XKR4: variants seen among roughly 807,000 people sequenced by gnomAD.
The protein encoded by XKR4 is XK-related protein 4.
A neutral mutation model predicts 53.9 loss-of-function variants in XKR4; 12 were observed. The ratio of observed to expected loss-of-function variants is 0.22; its 90% CI spans 0.14 to 0.36. The LOEUF (loss-of-function observed/expected upper bound fraction) is 0.36, where lower values mean the gene tolerates loss of function less well. Ranked by LOEUF, XKR4 falls within the 10% of genes least tolerant of loss-of-function variation. The pLI is 1.00. For synonymous variants in XKR4, 354 were observed against 362.4 expected, an observed-to-expected ratio of 0.98 and a Z score of 0.26; for missense variants, 799 against 859.5, an observed-to-expected ratio of 0.93 and a Z score of 0.88.
intron 1 of XKR4, among the ~76,000 whole-genome samples, chr8:55,186,887 T>C (rs1387666332): frequency 6.6e-6 from 1 of 152,094 alleles, no homozygotes; most frequent in Non-Finnish European, 1.5e-5. Flanking sequence ...AATCACCAAA[T>C]AAGTGGCTGG....
chr8:55,408,747 G>T (rs548630373), intron 2 of XKR4, among the ~76,000 whole-genome samples: 1 of 152,162 alleles, frequency 6.6e-6, no homozygotes, highest in African/African-American at 2.4e-5. Flanking sequence ...GGTGGTTCGC[G>T]CCTGTAATCC....
chr8:55,316,596 CTA>C (rs1819478458), intron 1 of XKR4, among the ~76,000 whole-genome samples: 1 of 152,148 alleles, frequency 6.6e-6, no homozygotes, highest in Non-Finnish European at 1.5e-5. Context: ...TGTTCTGAGA[CTA>C]TGTGATTGAG....
At chr8:55,496,936 C>A (rs1353640817) in intron 2 of XKR4, among the ~76,000 whole-genome samples, 1 of 152,080 alleles carries the variant, frequency 6.6e-6, no homozygotes, top group African/African-American at 2.4e-5. Context: ...ACCAGCCTAC[C>A]CAATCTGTCC....
At chr8:55,115,661 T>C (rs1372526687) in intron 1 of XKR4, among the ~76,000 whole-genome samples, 1 of 152,066 alleles carries the variant, frequency 6.6e-6, no homozygotes, top group African/African-American at 2.4e-5. Context: ...TACGCACCTG[T>C]AGTCCCAGCT....
chr8:55,452,653 C>T, intron 2 of XKR4: 1 of 1,430,894 alleles, frequency 7.0e-7, no homozygotes, highest in Non-Finnish European at 9.8e-7. Flanking sequence ...TTGAGGTGGT[C>T]ACTGGTGACC....
At chr8:55,293,984 T>G (rs1324415898) in intron 1 of XKR4, among the ~76,000 whole-genome samples, 1 of 152,228 alleles carries the variant, frequency 6.6e-6, no homozygotes, top group Non-Finnish European at 1.5e-5. Context: ...TTTTGATATC[T>G]TGAAACATTA....
In XKR4 at chr8:55,528,142, G is replaced by T. The variant is rs1806903172; in HGVS notation, c.*3915G>T. The stretch of plus-strand genomic sequence containing the variant: ...CTTTTTAGAAAAGAAGCATTTTCCT[G>T]CTCCTTTTTCAAAACCAACCCAAGC... On this transcript the variant is annotated 3_prime_UTR_variant, in exon 3 of 3. Transcript: ENST00000327381. 6.6e-6 allele frequency: 1 copy of T among 152,144 alleles called. No individual in the cohort carries two copies. The highest frequency in any genetic ancestry group is 2.1e-4 in the South Asian group (1 of 4,826). 9.4% of individuals were successfully genotyped at this position (152,144 alleles called of 1,614,324 possible). A position where few individuals can be genotyped will look rare whatever the true frequency, so the allele number is the denominator to read the frequency against.
chr8:55,330,893 A>G (rs1348523337), intron 1 of XKR4, among the ~76,000 whole-genome samples: 1 of 152,284 alleles, frequency 6.6e-6, no homozygotes, highest in African/African-American at 2.4e-5. Context: ...TGCATTTTGT[A>G]CAAGTTGTGA....
intron 2 of XKR4, among the ~76,000 whole-genome samples, chr8:55,475,327 C>A (rs765615347): frequency 2.0e-5 from 3 of 151,990 alleles, no homozygotes; most frequent in Non-Finnish European, 4.4e-5. Flanking sequence ...GAATTCCATG[C>A]CTGAAAATGT....
chr8:55,382,704 T>A (rs530643302), intron 2 of XKR4, among the ~76,000 whole-genome samples: 2 of 152,360 alleles, frequency 1.3e-5, no homozygotes, highest in East Asian at 3.9e-4. Context: ...AATACCAAGC[T>A]TTATCAGCTT....
chr8:55,303,429 G>T (rs930041458), intron 1 of XKR4, among the ~76,000 whole-genome samples: 2 of 152,172 alleles, frequency 1.3e-5, no homozygotes, highest in African/African-American at 4.8e-5. Flanking sequence ...TTGCATCAAT[G>T]TTCATCAAGG....
intron 2 of XKR4, among the ~76,000 whole-genome samples, chr8:55,511,692 C>A (rs919713113): frequency 6.6e-6 from 1 of 152,158 alleles, no homozygotes; most frequent in Non-Finnish European, 1.5e-5. Flanking sequence ...ATTGCATAGG[C>A]CTTTAAGCCA....
chr8:55,257,208 A>G (rs776520723), intron 1 of XKR4, among the ~76,000 whole-genome samples: 5 of 152,220 alleles, frequency 3.3e-5, no homozygotes, highest in Non-Finnish European at 7.3e-5. Context: ...AAGCCCATAT[A>G]TAGCTTCATT....
chr8:55,367,154 C>T (rs994888560), intron 2 of XKR4, among the ~76,000 whole-genome samples: 4 of 151,956 alleles, frequency 2.6e-5, no homozygotes, highest in South Asian at 2.1e-4. Flanking sequence ...GTGTGCCCAC[C>T]GTTCTACATG....
At chr8:55,418,771 C>T (rs1314485526) in intron 2 of XKR4, among the ~76,000 whole-genome samples, 1 of 152,186 alleles carries the variant, frequency 6.6e-6, no homozygotes, top group Non-Finnish European at 1.5e-5. Context: ...CCTGGAAGGC[C>T]CTTCCTGACA....
intron 1 of XKR4, among the ~76,000 whole-genome samples, chr8:55,217,281 G>C (rs1817816271): frequency 6.7e-6 from 1 of 148,944 alleles, no homozygotes; most frequent in Non-Finnish European, 1.5e-5. Context: ...TCCTTTCACT[G>C]AAAAAATAAA....
intron 2 of XKR4, among the ~76,000 whole-genome samples, chr8:55,485,205 A>T (rs1231097080): frequency 6.6e-6 from 1 of 152,232 alleles, no homozygotes; most frequent in Non-Finnish European, 1.5e-5. Context: ...GAGCAAAGCA[A>T]GATGTCCTCT....
At chr8:55,330,828 C>T (rs573226735) in intron 1 of XKR4, among the ~76,000 whole-genome samples, 103 of 152,208 alleles carry the variant, frequency 6.8e-4, no homozygotes, top group African/African-American at 2.5e-3. Context: ...GACAAGATGG[C>T]AAGAGTGGGG....
chr8:55,232,443 C>T (rs1301447760), intron 1 of XKR4, among the ~76,000 whole-genome samples: 5 of 152,180 alleles, frequency 3.3e-5, no homozygotes, highest in Non-Finnish European at 7.3e-5. Context: ...ATGAATCATA[C>T]TCTATAATCA....
Sources: gnomAD v4.1 joint callset for allele counts (sites outside exome capture counted in the v4.1 genomes callset) on GRCh38, gnomAD v4.1.1 for gene constraint, MANE v1.5 for transcripts, NCBI Gene and HGNC (gene_info 2026-07-23, HGNC 2026-07-21) for gene names.